The following PRR4 variants were observed in gnomAD, a reference collection of about 807,000 sequenced individuals.
The protein encoded by PRR4 is proline-rich protein 4.
A neutral mutation model predicts 7.6 loss-of-function variants in PRR4; 7 were observed. That is an observed-to-expected ratio of 0.92 (90% confidence interval 0.52 to 1.73). The LOEUF (loss-of-function observed/expected upper bound fraction) is 1.73. PRR4 is among the 40% of genes most tolerant of loss of function. The pLI is 0.00. For missense variants in PRR4, 187 were observed against 161.0 expected (o/e 1.16, Z -0.87); for synonymous variants, 64 against 58.5 (o/e 1.09, Z -0.43).
At chr12:10,847,909 A>G (rs985319914) in intron 2 of PRR4, among the ~76,000 whole-genome samples, 6 of 152,202 alleles carry the variant, frequency 3.9e-5, no homozygotes, top group Non-Finnish European at 8.8e-5. Flanking sequence ...ACTATTTATC[A>G]TCTGTAGTGA....
At chr12:10,847,547 G>C (rs973834737) in intron 2 of PRR4, among the ~76,000 whole-genome samples, 180 bp from the exon 3 acceptor site, 9 of 149,486 alleles carry the variant, frequency 6.0e-5, no homozygotes, top group African/African-American at 2.2e-4. Flanking sequence ...CTTAATCCAT[G>C]TAAGAGTGAT....
At chr12:10,846,239 C>T (rs1250684682) in intron 3 of PRR4, among the ~76,000 whole-genome samples, 1 of 151,980 alleles carries the variant, frequency 6.6e-6, no homozygotes, top group Admixed American at 6.6e-5. Context: ...GAATAGTATA[C>T]AATTGTAACA....
Position 10,845,954 on chromosome 12 carries a change from A to T in PRR4, c.*19-4T>A. 1 of 1,339,690 alleles carries T rather than the reference A, an allele frequency of 7.5e-7. No homozygotes were observed. The highest frequency in any genetic ancestry group is 1.8e-5 in the South Asian group (1 of 55,612). 83.0% of individuals were successfully genotyped at this position (1,339,690 alleles called of 1,614,324 possible). A position where few individuals can be genotyped will look rare whatever the true frequency, so the allele number is the denominator to read the frequency against. ...AAGTTATCTTCTTATTTATTTTCTGAAACAAAAAAAAAAACCAAGGAAATT... is the reference window on the plus strand; with the variant it reads ...AAGTTATCTTCTTATTTATTTTCTGTAACAAAAAAAAAAACCAAGGAAATT... On this transcript the variant is annotated splice_polypyrimidine_tract_variant and splice_region_variant and intron_variant, in intron 3 of 3. Transcript: ENST00000228811.
At chr12:10,846,009 A>G (rs183695248) in intron 3 of PRR4, 59 bp from the exon 4 acceptor site, 2 of 1,130,484 alleles carry the variant, frequency 1.8e-6, no homozygotes, top group African/African-American at 1.6e-5. Context: ...GGCAAAACTT[A>G]TCTAATTCCT....
intron 2 of PRR4, 83 bp from the exon 3 acceptor site, chr12:10,847,450 C>T: frequency 9.0e-7 from 1 of 1,112,714 alleles, no homozygotes; most frequent in Non-Finnish European, 1.2e-6. Flanking sequence ...CACCTTACCA[C>T]ACAGCCCTGT....
rs71434160 is a variant in PRR4, at chr12:10,845,957, CA to C, written c.*19-8del. On this transcript the variant is annotated splice_region_variant and splice_polypyrimidine_tract_variant and intron_variant, in intron 3 of 3. Transcript: ENST00000228811. The stretch of plus-strand genomic sequence containing the variant: ...TTATCTTCTTATTTATTTTCTGAAA[CA>C]AAAAAAAAAACCAAGGAAATTTATA... 8,185 of 1,001,540 alleles carry C rather than the reference CA, an allele frequency of 8.2e-3. 1 individual carries two copies. The highest frequency in any genetic ancestry group is 0.022 in the South Asian group (884 of 39,930). The allele number at this position is 1,001,540 out of a possible 1,614,324, so 62.0% of individuals were successfully genotyped here.
intron 2 of PRR4, 23 bp downstream of exon 2, chr12:10,848,349 G>A: frequency 6.3e-7 from 1 of 1,592,576 alleles, no homozygotes; most frequent in Non-Finnish European, 8.6e-7. Flanking sequence ...AAAAGAATTG[G>A]ATTGAGGATC....
rs868447206 is a variant in PRR4, at chr12:10,848,483, G to C, written c.65-76C>G. 82 of 1,411,112 alleles carry C rather than the reference G, an allele frequency of 5.8e-5. No individual in the cohort carries two copies. In the African/African-American group the frequency reaches 7.6e-4, roughly 13 times the overall value. 87.4% of individuals were successfully genotyped at this position (1,411,112 alleles called of 1,614,324 possible). Reference sequence around the variant, plus strand: ...GGGCTCATAGTGGTCTATAGGGAAAGGGGTCTTCTGGCCACACCCTGTGCA... The same window carrying C: ...GGGCTCATAGTGGTCTATAGGGAAACGGGTCTTCTGGCCACACCCTGTGCA... On this transcript the variant is annotated intron_variant, in intron 1 of 3. Transcript: ENST00000228811.
At chr12:10,848,065 G>C (rs141810980) in intron 2 of PRR4, among the ~76,000 whole-genome samples, 143 of 152,276 alleles carry the variant, frequency 9.4e-4, no homozygotes, top group Non-Finnish European at 1.7e-3. Flanking sequence ...GTCAGAATGA[G>C]AACACTTCTC....
Position 10,849,420 on chromosome 12 carries a change from G to A in PRR4, c.18C>T (p.Leu6=), listed in dbSNP as rs779049143. The A allele has an allele frequency of 3.4e-5, 55 of 1,608,866 alleles. 1 individual carries two copies. In the South Asian group the frequency reaches 5.6e-4, roughly 16 times the overall value. Residue 6 remains leucine, a synonymous_variant, in exon 1 of 4, where the codon CTC becomes CTT. Transcript: ENST00000228811. ...AGCTCAGAGCCAGAAGGACCACTGAGAGCAGGACCAGCAGCATCTTGAAGG... is the reference window on the plus strand; with the variant it reads ...AGCTCAGAGCCAGAAGGACCACTGAAAGCAGGACCAGCAGCATCTTGAAGG... MLLVL[L]SVVLLALSSA... is the part of the protein sequence containing the mutation.
rs768439991 is a variant in PRR4 at position 10,849,454 on chromosome 12, G to A, written c.-17C>T. 1.3e-6 allele frequency: 2 copies of A among 1,592,676 alleles called. No homozygotes were observed. Among genetic ancestry groups the A allele is most frequent in the South Asian group, 2.3e-5 (2 of 88,432 alleles). Reference sequence around the variant, plus strand: ...CAGCAGCATCTTGAAGGAGGCTCTGGAGTTGCTCCCAACTCTGCGTTGAGA... The same window carrying A: ...CAGCAGCATCTTGAAGGAGGCTCTGAAGTTGCTCCCAACTCTGCGTTGAGA... On this transcript the variant is annotated 5_prime_UTR_variant, in exon 1 of 4. Coordinates refer to ENST00000228811, the MANE Select transcript of PRR4 (RefSeq NM_007244.3).
rs779631523 is a variant in PRR4, at chr12:10,847,186, T to C, written c.282A>G (p.Pro94=). 5.3e-5 allele frequency: 86 copies of C among 1,613,188 alleles called. No individual in the cohort carries two copies. The highest frequency in any genetic ancestry group is 1.9e-5 in the Non-Finnish European group (22 of 1,179,716). ...AGAGTTGACGGTGTCCTCGTCGGGG[T>C]GGTCGTTGCTGATTTTGAAAAGGAG... ...PPPPFQNQQR[P]PRRGHRQLSL... Residue 94 remains proline (P), a synonymous_variant, in exon 3 of 4, where the codon CCA becomes CCG. Transcript: ENST00000228811.
chr12:10,849,411 G>A lies in PRR4; in HGVS notation c.27C>T (p.Val9=). Reference sequence around the variant, plus strand: ...TCTGAGCTGAGCTCAGAGCCAGAAGGACCACTGAGAGCAGGACCAGCAGCA... The same window carrying A: ...TCTGAGCTGAGCTCAGAGCCAGAAGAACCACTGAGAGCAGGACCAGCAGCA... MLLVLLSV[V]LLALSSAQST... is the part of the protein sequence containing the mutation. Residue 9 remains valine (V), a synonymous_variant, in exon 1 of 4, where the codon GTC becomes GTT. Transcript: ENST00000228811. 6.2e-7 allele frequency: 1 copy of A among 1,608,540 alleles called. No individual in the cohort carries two copies. Among genetic ancestry groups the A allele is most frequent in the Non-Finnish European group, 8.5e-7 (1 of 1,177,706 alleles).
chr12:10,847,229 T>C lies in PRR4; in HGVS notation c.239A>G (p.His80Arg). The change falls in exon 3 of 4, where the codon CAC (histidine) becomes CGC (arginine). Residue 80 changes from histidine to arginine, a missense_variant. His to Arg is a conservative substitution (Grantham distance 29, BLOSUM62 0). Coordinates refer to ENST00000228811, the MANE Select transcript of PRR4 (RefSeq NM_007244.3). ...QQRPPKPGGH[H>R]RHPPPPPFQN... Reference sequence around the variant, plus strand: ...AAAAGGAGGTGGGGGAGGATGGCGGTGATGGCCTCCTGGTTTTGGTGGTCT... The same window carrying C: ...AAAAGGAGGTGGGGGAGGATGGCGGCGATGGCCTCCTGGTTTTGGTGGTCT... 1 of 1,613,794 alleles carries C rather than the reference T, an allele frequency of 6.2e-7. No individual in the cohort carries two copies.
At chr12:10,848,162 T>A (rs768363467) in intron 2 of PRR4, among the ~76,000 whole-genome samples, 1 of 152,152 alleles carries the variant, frequency 6.6e-6, no homozygotes, top group Non-Finnish European at 1.5e-5. Flanking sequence ...CATCTCTGTA[T>A]TCAAGTTGGT....
chr12:10,846,094 T>C (rs922067090), intron 3 of PRR4, 144 bp from the exon 4 acceptor site: 2 of 569,284 alleles, frequency 3.5e-6, no homozygotes, highest in Non-Finnish European at 5.3e-6. Context: ...TATGTTTTGG[T>C]TACTGTTCAA....
At chr12:10,847,399 G>A (rs1949034354) in intron 2 of PRR4, 32 bp from the exon 3 acceptor site, 3 of 1,431,328 alleles carry the variant, frequency 2.1e-6, no homozygotes, top group South Asian at 3.3e-5. Context: ...AAGAATGCAT[G>A]AGCTCAGTGA....
chr12:10,849,364 AT>A lies in PRR4; in HGVS notation c.64+9del, dbSNP rs201610973. ...CCCCATCTCCTTTTTTAAAAAAATA[AT>A]TTTTTTACCATTATCTGTGCTCTGA... On this transcript the variant is annotated intron_variant, in intron 1 of 3. Coordinates refer to ENST00000228811, the MANE Select transcript of PRR4 (RefSeq NM_007244.3). 2.5e-3 allele frequency: 3,985 copies of A among 1,577,906 alleles called. 60 individuals carry two copies. Among genetic ancestry groups the A allele is most frequent in the East Asian group, 0.019 (859 of 44,080 alleles).
At chr12:10,846,158 A>G (rs894934201) in intron 3 of PRR4, among the ~76,000 whole-genome samples, 7 of 152,216 alleles carry the variant, frequency 4.6e-5, no homozygotes, top group Admixed American at 1.3e-4. Flanking sequence ...TGTAGTAGTG[A>G]AAAACTAATA....
Sources: gnomAD v4.1 joint callset for allele counts (sites outside exome capture counted in the v4.1 genomes callset) on GRCh38, gnomAD v4.1.1 for gene constraint, MANE v1.5 for transcripts, NCBI Gene and HGNC (gene_info 2026-07-23, HGNC 2026-07-21) for gene names.